Variants in NAA38 observed in about 807,000 individuals in gnomAD.
NAA38 encodes the protein N-alpha-acetyltransferase 38, NatC auxiliary subunit.
NAA38 carries 15 observed loss-of-function variants against 12.6 expected under a neutral mutation model. That is an observed-to-expected ratio of 1.19 (90% CI 0.79 to 1.83). The LOEUF (loss-of-function observed/expected upper bound fraction) is 1.83, where lower values mean the gene tolerates loss of function less well. NAA38 is among the 40% of genes most tolerant of loss of function. NAA38 has a pLI of 0.00. For synonymous variants in NAA38, 88 were observed against 69.9 expected (o/e 1.26, Z -1.29); for missense variants, 183 against 171.7 (o/e 1.07, Z -0.37).
chr17:7,879,167 T>G (rs975152038), intron 2 of NAA38, among the ~76,000 whole-genome samples: 1 of 152,200 alleles, frequency 6.6e-6, no homozygotes, highest in South Asian at 2.1e-4. Flanking sequence ...TAAAATACTA[T>G]GATTAGGTCT....
upstream of NAA38, chr17:7,858,496 C>G (rs758150610): frequency 1.9e-6 from 3 of 1,614,042 alleles, no homozygotes; most frequent in Admixed American, 1.7e-5. Context: ...TATGCTGGAA[C>G]CTGGGATTGT....
chr17:7,862,910 T>C (rs6503066), upstream of NAA38: 134,951 of 152,048 alleles, frequency 0.89, 59,955 homozygotes, highest in East Asian at 0.98. Context: ...GAAGGTGGCC[T>C]TTGGAGATTT....
chr17:7,870,105 A>T lies in NAA38; in HGVS notation c.-65-3547T>A, dbSNP rs187221266. 1.6e-3 allele frequency among the ~76,000 whole-genome samples: 244 copies of T among 152,252 alleles called. 1 individual carries two copies. The highest frequency in any genetic ancestry group is 5.6e-3 in the African/African-American group (232 of 41,546). ...TTCCATCACAGTGGTCAATCGAAGA[A>T]GATCTACAGCTGGGCATGGTGGCCC... On this transcript the variant is annotated intron_variant, in intron 2 of 4. Coordinates refer to the NAA38 transcript ENST00000576861.
chr17:7,858,781 T>C, upstream of NAA38: 1 of 1,579,612 alleles, frequency 6.3e-7, no homozygotes, highest in African/African-American at 1.4e-5. Context: ...ACCCGGAGCA[T>C]CCGCATCATT....
intron 3 of NAA38, chr17:7,864,646 G>A (rs1966931216): frequency 6.6e-6 from 1 of 152,204 alleles, no homozygotes; most frequent in Admixed American, 6.5e-5. Context: ...GCTCACGCCT[G>A]TAATCCCAGC....
Position 7,857,532 on chromosome 17 carries a change from C to G in NAA38, c.-69G>C. ...TTTCAGGTTGGGTGGTCCGAGATCT[C>G]GCGAGCGCTCCCGACCTCTTTCCTT... On this transcript the variant is annotated 5_prime_UTR_variant, in exon 1 of 3. Coordinates refer to ENST00000575771, the MANE Select transcript of NAA38 (RefSeq NM_001320925.4). 1.4e-6 allele frequency: 2 copies of G among 1,465,008 alleles called. No homozygotes were observed. Among genetic ancestry groups the G allele is most frequent in the Non-Finnish European group, 1.8e-6 (2 of 1,111,664 alleles). The allele number at this position is 1,465,008 out of a possible 1,614,324, so 90.8% of individuals were successfully genotyped here.
At chr17:7,885,036 C>CGCCGCCGCCGCCACCGCT in intron 1 of NAA38, 1 of 1,121,896 alleles carries the variant, frequency 8.9e-7, no homozygotes, top group Non-Finnish European at 1.1e-6. Context: ...CCGCCGCCGC[C>CGCCGCCGCCGCCACCGCT]GCCGCCGCCG....
intron 2 of NAA38, chr17:7,866,614 T>A: frequency 1.1e-6 from 1 of 887,620 alleles, no homozygotes; most frequent in Non-Finnish European, 1.5e-6. Context: ...TTCCTCTGTG[T>A]GGAACAATCC....
At chr17:7,859,015 G>A (rs539466427), upstream of NAA38, 1 of 577,100 alleles carries the variant, frequency 1.7e-6, no homozygotes, top group African/African-American at 1.9e-5. Context: ...CTGGGTCACA[G>A]GGGGACAAGA....
chr17:7,869,626 G>A (rs1389011930), intron 2 of NAA38, among the ~76,000 whole-genome samples: 1 of 152,016 alleles, frequency 6.6e-6, no homozygotes, highest in Non-Finnish European at 1.5e-5. Flanking sequence ...AGCTGGGTGT[G>A]GTGGTGGATG....
intron 2 of NAA38, among the ~76,000 whole-genome samples, chr17:7,880,284 A>G (rs938105266): frequency 3.9e-5 from 6 of 152,052 alleles, no homozygotes; most frequent in African/African-American, 1.4e-4. Context: ...AAGAACCAAG[A>G]AAAGAGAAGT....
upstream of NAA38, chr17:7,859,844 A>G (rs1444670513): frequency 9.4e-6 from 5 of 531,724 alleles, no homozygotes; most frequent in Non-Finnish European, 1.7e-5. Context: ...AAGATCAAGT[A>G]CCTTGGTTTA....
chr17:7,857,002 C>A lies in NAA38; in HGVS notation c.265+13G>T. ...CACATTACCAGGCGGGTGTGCATTC[C>A]CCGGGCACTGACCCGACGGCTTGAG... is the stretch of plus-strand genomic sequence containing the variant. On this transcript the variant is annotated intron_variant, in intron 2 of 2. Transcript: ENST00000575771. 2 of 1,599,666 alleles carry A rather than the reference C, an allele frequency of 1.3e-6. No individual in the cohort carries two copies. Among genetic ancestry groups the A allele is most frequent in the South Asian group, 1.1e-5 (1 of 90,412 alleles).
At chr17:7,858,784 G>A (rs200369460), upstream of NAA38, 679 of 1,578,628 alleles carry the variant, frequency 4.3e-4, 2 homozygotes, top group Non-Finnish European at 5.6e-4. Context: ...CGGAGCATCC[G>A]CATCATTAAC....
chr17:7,874,460 A>C (rs1161194806), intron 2 of NAA38, among the ~76,000 whole-genome samples: 1 of 152,184 alleles, frequency 6.6e-6, no homozygotes, highest in Non-Finnish European at 1.5e-5. Context: ...TCTTCAATGA[A>C]TGAAGGAAAT....
intron 2 of NAA38, among the ~76,000 whole-genome samples, chr17:7,876,385 TCTTCA>T (rs1197594580): frequency 6.6e-6 from 1 of 152,100 alleles, no homozygotes; most frequent in Non-Finnish European, 1.5e-5. Context: ...TGACCTCTAC[TCTTCA>T]CTTGATATAC....
At position 7,857,046 on chromosome 17, in the gene NAA38, CA is replaced by C; in HGVS notation, c.233del (p.Leu78ArgfsTer42). The C allele has an allele frequency of 6.2e-7, 1 of 1,612,184 alleles. No individual in the cohort carries two copies. Among genetic ancestry groups the C allele is most frequent in the Non-Finnish European group, 8.5e-7 (1 of 1,178,960 alleles). On this transcript the variant is annotated frameshift_variant, in exon 2 of 3. Coordinates refer to ENST00000575771, the MANE Select transcript of NAA38 (RefSeq NM_001320925.4). LOFTEE classifies it high-confidence loss of function. ...LCTDRDCNVI[L>X]GSAQEFLKPS... The stretch of plus-strand genomic sequence containing the variant: ...GCTTGAGGAACTCCTGCGCCGAGCC[CA>C]GGATGACATTGCAGTCACGGTCAGT...
At chr17:7,874,162 C>T (rs1325862733) in intron 2 of NAA38, among the ~76,000 whole-genome samples, 1 of 151,984 alleles carries the variant, frequency 6.6e-6, no homozygotes, top group Non-Finnish European at 1.5e-5. Context: ...GATGGTATAG[C>T]TGATTAGGAG....
At chr17:7,859,723 C>G, upstream of NAA38, 1 of 896,790 alleles carries the variant, frequency 1.1e-6, no homozygotes. Context: ...GATCTCCACT[C>G]CTCTCCAGGA....
Sources: allele counts gnomAD v4.1 joint callset (sites outside exome capture counted in the v4.1 genomes callset), GRCh38; gene constraint gnomAD v4.1.1; transcripts MANE v1.5; gene names NCBI Gene and HGNC (gene_info 2026-07-23, HGNC 2026-07-21).